ECHDC1: variants seen among roughly 807,000 people sequenced by gnomAD.
The protein encoded by ECHDC1 is ethylmalonyl-CoA decarboxylase 1, also known as ethylmalonyl-CoA decarboxylase.
ECHDC1 carries 29 observed loss-of-function variants against 29.7 expected under a neutral mutation model. The observed-to-expected ratio is 0.98, with a 90% CI of 0.73 to 1.33. The LOEUF (loss-of-function observed/expected upper bound fraction) is 1.33. Among genes scored for constraint, ECHDC1 ranks in the 40% most tolerant of loss-of-function variants. The pLI, the probability that ECHDC1 is intolerant of heterozygous loss-of-function variation, is 0.00. For missense variants in ECHDC1, 328 were observed against 350.0 expected (o/e 0.94, Z 0.50); for synonymous variants, 126 against 123.1 (o/e 1.02, Z -0.15).
At position 127,301,077 on chromosome 6, in the gene ECHDC1, T is replaced by C. The variant is rs550736405; in HGVS notation, c.498-10800A>G. On this transcript the variant is annotated intron_variant, in intron 5 of 5. Coordinates refer to ENST00000454859, the MANE Select transcript of ECHDC1 (RefSeq NM_001002030.2). Reference sequence around the variant, plus strand: ...ATAATGCTTGACTAGATTCTGACCATTGAAAAATACCAATTTTTAATTCAT... The same window carrying C: ...ATAATGCTTGACTAGATTCTGACCACTGAAAAATACCAATTTTTAATTCAT... Among the ~76,000 whole-genome samples the C allele has an allele frequency of 1.4e-4, 22 of 152,332 alleles. No individual in the cohort carries two copies. In the East Asian group the frequency reaches 3.7e-3, roughly 25 times the overall value.
intron 2 of ECHDC1, 142 bp from the exon 3 acceptor site, chr6:127,327,286 G>A: frequency 2.2e-6 from 2 of 906,944 alleles, no homozygotes; most frequent in Non-Finnish European, 3.2e-6. Context: ...AATGCCTACT[G>A]CACTGGCACT....
At chr6:127,336,337 A>G (rs1331159974) in intron 1 of ECHDC1, among the ~76,000 whole-genome samples, 3 of 152,160 alleles carry the variant, frequency 2.0e-5, no homozygotes, top group African/African-American at 4.8e-5. Context: ...ATTTTAAACA[A>G]ATGATTCACT....
intron 5 of ECHDC1, among the ~76,000 whole-genome samples, chr6:127,307,143 C>T (rs1299734319): frequency 2.6e-5 from 4 of 151,998 alleles, no homozygotes; most frequent in African/African-American, 9.7e-5. Context: ...GTACAACATA[C>T]CAAAACCTAT....
chr6:127,296,137 T>C (rs2114559343), intron 5 of ECHDC1, among the ~76,000 whole-genome samples: 1 of 152,344 alleles, frequency 6.6e-6, no homozygotes, highest in South Asian at 2.1e-4. Flanking sequence ...AACTACCACT[T>C]GAAATCCAGA....
intron 1 of ECHDC1, among the ~76,000 whole-genome samples, chr6:127,336,182 C>T (rs541489087): frequency 3.3e-5 from 5 of 151,988 alleles, no homozygotes; most frequent in Non-Finnish European, 7.4e-5. Context: ...ATGTTCTCAC[C>T]ACCTAATTTA....
At chr6:127,343,302 T>G (rs762245980) in intron 1 of ECHDC1, 34 bp downstream of exon 1, 1 of 152,318 alleles carries the variant, frequency 6.6e-6, no homozygotes, top group Non-Finnish European at 1.5e-5. Flanking sequence ...AACACTAAAC[T>G]GAAGCGCTAA....
At chr6:127,307,935 T>C (rs1188113021) in intron 5 of ECHDC1, among the ~76,000 whole-genome samples, 7 of 151,926 alleles carry the variant, frequency 4.6e-5, no homozygotes, top group Non-Finnish European at 7.4e-5. Context: ...CCTACCAAGA[T>C]TGAGTAGGAA....
chr6:127,336,515 A>C (rs1784438665), intron 1 of ECHDC1, among the ~76,000 whole-genome samples: 1 of 152,170 alleles, frequency 6.6e-6, no homozygotes, highest in South Asian at 2.1e-4. Flanking sequence ...ATGGAAAGGA[A>C]GTATTTCTGA....
Position 127,309,476 on chromosome 6 carries a change from AC to A in ECHDC1, c.497+5339del, listed in dbSNP as rs1299663270. 2.0e-3 allele frequency among the ~76,000 whole-genome samples: 283 copies of A among 142,482 alleles called. 1 individual carries two copies. The highest frequency in any genetic ancestry group is 7.1e-3 in the African/African-American group (272 of 38,166). The allele number at this position is 142,482 out of a possible 152,430, so 93.5% of individuals were successfully genotyped here. A position where few individuals can be genotyped will look rare whatever the true frequency, so the allele number is the denominator to read the frequency against. ...AAAGAAAAAACCCAGAAAACAAACAACAAAACACACACACACACACACACAC... is the reference window on the plus strand; with the variant it reads ...AAAGAAAAAACCCAGAAAACAAACAAAAAACACACACACACACACACACAC... On this transcript the variant is annotated intron_variant, in intron 5 of 5. Transcript: ENST00000454859.
intron 1 of ECHDC1, among the ~76,000 whole-genome samples, chr6:127,332,059 G>A (rs578163762): frequency 2.2e-4 from 33 of 152,132 alleles, no homozygotes; most frequent in Non-Finnish European, 4.1e-4. Context: ...ATAAGTTACA[G>A]TTCAATGAAT....
chr6:127,333,666 T>TACACACACACACAC (rs10523734), intron 1 of ECHDC1, among the ~76,000 whole-genome samples: 88 of 128,136 alleles, frequency 6.9e-4, no homozygotes, highest in Non-Finnish European at 1.4e-3. Flanking sequence ...CTCTTTCTCT[T>TACACACACACACAC]ACACACACAC....
intron 5 of ECHDC1, among the ~76,000 whole-genome samples, chr6:127,300,240 C>T (rs1780951739): frequency 6.6e-6 from 1 of 152,132 alleles, no homozygotes; most frequent in East Asian, 1.9e-4. Flanking sequence ...TAGCACTTTT[C>T]ACTGGCAATC....
chr6:127,341,992 C>G (rs1197507709), intron 1 of ECHDC1, among the ~76,000 whole-genome samples: 3 of 152,272 alleles, frequency 2.0e-5, no homozygotes, highest in Non-Finnish European at 4.4e-5. Context: ...CTCCCTCACA[C>G]AGCCAAAATG....
chr6:127,310,131 G>T (rs1456688102), intron 5 of ECHDC1, among the ~76,000 whole-genome samples: 1 of 151,954 alleles, frequency 6.6e-6, no homozygotes, highest in African/African-American at 2.4e-5. Context: ...TAGTTAATGG[G>T]TACAAAAAAA....
rs1780767905 is a variant in ECHDC1 at position 127,298,167 on chromosome 6, G to C, written c.498-7890C>G. On this transcript the variant is annotated intron_variant, in intron 5 of 5. Coordinates refer to ENST00000454859, the MANE Select transcript of ECHDC1 (RefSeq NM_001002030.2). Reference sequence around the variant, plus strand: ...ATGTTAAAAATTGTTGGACCTGAATGAATGGCACAGGGAAATTATTTGTAT... The same window carrying C: ...ATGTTAAAAATTGTTGGACCTGAATCAATGGCACAGGGAAATTATTTGTAT... Among the ~76,000 whole-genome samples the C allele has an allele frequency of 2.0e-5, 3 of 152,156 alleles. No homozygotes were observed. In the South Asian group the frequency reaches 6.2e-4, roughly 31 times the overall value.
At chr6:127,341,505 AG>A (rs1784941369) in intron 1 of ECHDC1, 1 of 152,198 alleles carries the variant, frequency 6.6e-6, no homozygotes. Context: ...GAAGATGAAA[AG>A]GTTCTGAAGC....
At chr6:127,330,643 G>A (rs1317653655) in intron 2 of ECHDC1, among the ~76,000 whole-genome samples, 166 bp downstream of exon 2, 1 of 152,096 alleles carries the variant, frequency 6.6e-6, no homozygotes, top group Non-Finnish European at 1.5e-5. Flanking sequence ...GTTACTTAAA[G>A]TGTTTCTAGT....
At chr6:127,326,411 A>C (rs1357028034) in intron 3 of ECHDC1, 1 of 338,254 alleles carries the variant, frequency 3.0e-6, no homozygotes, top group Non-Finnish European at 6.2e-6. Flanking sequence ...TTTTCTTCAT[A>C]AACTACCCAG....
intron 5 of ECHDC1, among the ~76,000 whole-genome samples, chr6:127,311,407 C>G (rs1376971559): frequency 1.3e-5 from 2 of 152,082 alleles, no homozygotes; most frequent in African/African-American, 4.8e-5. Context: ...GGCGTGGTGG[C>G]TCACGCCTGT....
Sources: allele counts gnomAD v4.1 joint callset (sites outside exome capture counted in the v4.1 genomes callset), GRCh38; gene constraint gnomAD v4.1.1; transcripts MANE v1.5; gene names NCBI Gene and HGNC (gene_info 2026-07-23, HGNC 2026-07-21).